KDM4C: variants seen among roughly 807,000 people sequenced by gnomAD.
KDM4C encodes the protein lysine-specific demethylase 4C.
Under a neutral mutation model 129.3 loss-of-function variants are expected in KDM4C, and 81 were observed. That is an observed-to-expected ratio of 0.63 (90% confidence interval 0.52 to 0.75). The LOEUF (loss-of-function observed/expected upper bound fraction) is 0.75, where lower values mean the gene tolerates loss of function less well. Ranked by LOEUF, KDM4C falls within the 30% of genes least tolerant of loss-of-function variation. The probability of loss-of-function intolerance (pLI) is 0.00; values close to 1 mark genes in which losing one functional copy is unlikely to be tolerated. For synonymous variants in KDM4C, 573 were observed against 456.1 expected (o/e 1.26, Z -3.26); for missense variants, 1,457 against 1,304.0 (o/e 1.12, Z -1.81).
At chr9:6,841,378 GT>G (rs1174435362) in intron 4 of KDM4C, among the ~76,000 whole-genome samples, 3 of 152,148 alleles carry the variant, frequency 2.0e-5, no homozygotes, top group African/African-American at 7.2e-5. Context: ...GGAATATAGA[GT>G]GATAACTGTG....
intron 4 of KDM4C, among the ~76,000 whole-genome samples, chr9:6,839,938 A>C (rs751602910): frequency 1.2e-4 from 18 of 150,418 alleles, no homozygotes; most frequent in Non-Finnish European, 2.1e-4. Flanking sequence ...TGGGTTAATG[A>C]GAAACACCAT....
intron 1 of KDM4C, among the ~76,000 whole-genome samples, chr9:6,791,423 A>G (rs1826584533): frequency 6.6e-6 from 1 of 152,104 alleles, no homozygotes; most frequent in African/African-American, 2.4e-5. Context: ...ACATTTTTAT[A>G]TTGAAGTTTG....
At chr9:6,804,639 T>A (rs1160835644) in intron 2 of KDM4C, among the ~76,000 whole-genome samples, 1 of 151,590 alleles carries the variant, frequency 6.6e-6, no homozygotes, top group Non-Finnish European at 1.5e-5. Flanking sequence ...GCGCCTGTAA[T>A]CCTGGCTACT....
intron 1 of KDM4C, among the ~76,000 whole-genome samples, chr9:6,730,704 C>A (rs187923210): frequency 6.6e-6 from 1 of 152,018 alleles, no homozygotes; most frequent in East Asian, 1.9e-4. Context: ...AGCAGATATT[C>A]AGAGAGACTC....
At chr9:6,995,070 C>A (rs539069111) in intron 12 of KDM4C, among the ~76,000 whole-genome samples, 2 of 151,364 alleles carry the variant, frequency 1.3e-5, no homozygotes, top group African/African-American at 4.9e-5. Context: ...TTTTTTTCCC[C>A]ACCCACAACA....
At chr9:7,056,913 TC>T (rs1830946627) in intron 17 of KDM4C, among the ~76,000 whole-genome samples, 1 of 152,134 alleles carries the variant, frequency 6.6e-6, no homozygotes, top group African/African-American at 2.4e-5. Context: ...ACTGCCTGGG[TC>T]AATACCAACA....
chr9:7,051,327 T>C lies in KDM4C; in HGVS notation c.2424+2127T>C, dbSNP rs191285950. 3.0e-4 allele frequency among the ~76,000 whole-genome samples: 46 copies of C among 152,268 alleles called. 1 individual carries two copies. The highest frequency in any genetic ancestry group is 2.4e-3 in the Admixed American group (37 of 15,276). ...TTCACCAAGAGTCCTCAGGAAGGAA[T>C]CATCACCCTTGTGAGTCCACTGCAG... On this transcript the variant is annotated intron_variant, in intron 17 of 21. Transcript: ENST00000381309.
rs1589300729 is a variant in KDM4C at position 6,956,348 on chromosome 9, C to T, written c.922-24577C>T. ...TTCACATTGCATGCTTGTATCAAAA[C>T]ACCTTATGTACTCCACAAATATACA... On this transcript the variant is annotated intron_variant, in intron 8 of 21. Coordinates refer to ENST00000381309, the MANE Select transcript of KDM4C (RefSeq NM_015061.6). Among the ~76,000 whole-genome samples the T allele has an allele frequency of 7.2e-5, 11 of 152,252 alleles. No homozygotes were observed. The South Asian group carries it at 1.9e-3, about 26-fold the overall frequency.
intron 5 of KDM4C, among the ~76,000 whole-genome samples, chr9:6,858,942 ATTGTTATTTGCCCATAG>A (rs1840428830): frequency 6.6e-6 from 1 of 152,052 alleles, no homozygotes; most frequent in African/African-American, 2.4e-5. Flanking sequence ...TTATGCAAAA[ATTGTTATTTGCCCATAG>A]TATATAGGAA....
chr9:7,124,040 A>T (rs181198288), intron 18 of KDM4C, among the ~76,000 whole-genome samples: 2 of 152,164 alleles, frequency 1.3e-5, no homozygotes, highest in Admixed American at 6.5e-5. Context: ...TCTGCTCCCA[A>T]TGAGGCTGGG....
intron 17 of KDM4C, among the ~76,000 whole-genome samples, chr9:7,067,896 T>C (rs1040866951): frequency 6.6e-6 from 1 of 152,034 alleles, no homozygotes; most frequent in African/African-American, 2.4e-5. Flanking sequence ...CCCGGGTTCA[T>C]GCCATTCTGC....
At chr9:7,117,020 A>G (rs967631336) in intron 18 of KDM4C, among the ~76,000 whole-genome samples, 2 of 152,212 alleles carry the variant, frequency 1.3e-5, no homozygotes, top group Non-Finnish European at 2.9e-5. Context: ...TTTGATGTTC[A>G]TAGTAAACTT....
intron 2 of KDM4C, among the ~76,000 whole-genome samples, chr9:6,801,239 ATTTTTTTTTTTTTTT>A (rs59151680): frequency 0.015 from 996 of 65,902 alleles, 10 homozygotes; most frequent in Middle Eastern, 0.039. Flanking sequence ...GAGTAGGGAA[ATTTTTTTTTTTTTTT>A]TTTTTTTTTT....
chr9:7,028,066 C>G (rs10975992), intron 15 of KDM4C, among the ~76,000 whole-genome samples: 57,476 of 151,932 alleles, frequency 0.38, 11,171 homozygotes, highest in South Asian at 0.51. Context: ...CAAGATCCTG[C>G]TTGGTACTCC....
In KDM4C at chr9:6,752,413, A is replaced by AT. The variant is rs76236616; in HGVS notation, c.49+31430dup. Among the ~76,000 whole-genome samples the AT allele has an allele frequency of 6.1e-3, 785 of 128,380 alleles. 2 individuals carry two copies. Among genetic ancestry groups the AT allele is most frequent in the African/African-American group, 6.6e-3 (228 of 34,332 alleles). The allele number at this position is 128,380 out of a possible 152,430, so 84.2% of individuals were successfully genotyped here. ...ATTGGTAACGTTCTCAAAACCAGGG[A>AT]TTTTTTTTTTTTTTCCGGTGGAGTT... On this transcript the variant is annotated intron_variant, in intron 1 of 17. Transcript: ENST00000536108.
At chr9:7,102,354 A>T (rs552599051) in intron 17 of KDM4C, among the ~76,000 whole-genome samples, 2 of 139,552 alleles carry the variant, frequency 1.4e-5, no homozygotes, top group African/African-American at 5.4e-5. Flanking sequence ...GGAGATAAAG[A>T]GAAACCTTTA....
At chr9:6,744,356 T>C (rs868136821) in intron 1 of KDM4C, among the ~76,000 whole-genome samples, 3 of 151,994 alleles carry the variant, frequency 2.0e-5, no homozygotes, top group Non-Finnish European at 4.4e-5. Flanking sequence ...AAACCGCATC[T>C]CTACTAAAAA....
At chr9:6,916,207 A>G (rs1446291936) in intron 8 of KDM4C, among the ~76,000 whole-genome samples, 1 of 150,364 alleles carries the variant, frequency 6.7e-6, no homozygotes, top group Non-Finnish European at 1.5e-5. Flanking sequence ...GAGCTGGGCT[A>G]TGAAGTGTCT....
At chr9:7,107,064 C>T (rs560649618) in intron 18 of KDM4C, among the ~76,000 whole-genome samples, 59 of 152,244 alleles carry the variant, frequency 3.9e-4, no homozygotes, top group African/African-American at 1.4e-3. Context: ...TTGTTGAACA[C>T]CTTTGTTGAA....
Sources: gnomAD v4.1 joint callset for allele counts (sites outside exome capture counted in the v4.1 genomes callset) on GRCh38, gnomAD v4.1.1 for gene constraint, MANE v1.5 for transcripts, NCBI Gene and HGNC (gene_info 2026-07-23, HGNC 2026-07-21) for gene names.